GRAMD2A: variants seen among roughly 807,000 people sequenced by gnomAD.
The protein encoded by GRAMD2A is GRAM domain containing 2A.
In GRAMD2A, 37 loss-of-function variants were observed where a neutral mutation model predicts 51.1. The ratio of observed to expected loss-of-function variants is 0.72; its 90% confidence interval spans 0.56 to 0.95. The LOEUF (loss-of-function observed/expected upper bound fraction) is 0.95, where lower values mean the gene tolerates loss of function less well. GRAMD2A is among the 40% of genes least tolerant of loss of function. The pLI is 0.00. For missense variants in GRAMD2A, 414 were observed against 426.9 expected (o/e 0.97, Z 0.27); for synonymous variants, 136 against 157.1 (o/e 0.87, Z 1.01).
At chr15:72,164,006 C>T in intron 8 of GRAMD2A, 2 of 435,570 alleles carry the variant, frequency 4.6e-6, no homozygotes, top group Non-Finnish European at 8.2e-6. Context: ...AGTGTAGAAC[C>T]ACAGTGGGAT....
At chr15:72,172,024 C>T (rs2140549881) in intron 1 of GRAMD2A, among the ~76,000 whole-genome samples, 1 of 151,780 alleles carries the variant, frequency 6.6e-6, no homozygotes, top group African/African-American at 2.4e-5. Context: ...ACGGGGGTTT[C>T]ACCATATTGG....
intron 9 of GRAMD2A, 43 bp downstream of exon 9, chr15:72,163,570 G>A: frequency 6.3e-7 from 1 of 1,589,498 alleles, no homozygotes; most frequent in Non-Finnish European, 8.6e-7. Flanking sequence ...AGAAAGTCTG[G>A]CCTTTGCAAG....
In GRAMD2A at chr15:72,170,448, T is replaced by G; in HGVS notation, c.42-509A>C. On this transcript the variant is annotated intron_variant, in intron 1 of 11. Coordinates refer to ENST00000309731, the MANE Select transcript of GRAMD2A (RefSeq NM_001012642.3). The surrounding 1 kb of genome is among the most constrained non-coding windows in gnomAD (Gnocchi z 4.5). ...TGAAGGTGTGGGAGGTGGACGCCCA[T>G]CAGCCTACAGGTGAGTGTGGCCAGG... 2.2e-6 allele frequency: 1 copy of G among 455,638 alleles called. No individual in the cohort carries two copies. Among genetic ancestry groups the G allele is most frequent in the Non-Finnish European group, 4.4e-6 (1 of 226,758 alleles). 28.2% of individuals were successfully genotyped at this position (455,638 alleles called of 1,614,324 possible).
intron 8 of GRAMD2A, among the ~76,000 whole-genome samples, chr15:72,164,315 G>C (rs2140543717): frequency 6.6e-6 from 1 of 152,214 alleles, no homozygotes; most frequent in Non-Finnish European, 1.5e-5. Context: ...GGCCCCAGCT[G>C]CCAAAGGAAA....
At chr15:72,164,213 C>T (rs2081515008) in intron 8 of GRAMD2A, among the ~76,000 whole-genome samples, 1 of 152,138 alleles carries the variant, frequency 6.6e-6, no homozygotes, top group South Asian at 2.1e-4. Context: ...ACATGCTTGG[C>T]TAAACACTAA....
At chr15:72,178,314 A>C (rs1005679345) in intron 1 of GRAMD2A, among the ~76,000 whole-genome samples, 14 of 152,096 alleles carry the variant, frequency 9.2e-5, no homozygotes, top group Admixed American at 8.5e-4. Flanking sequence ...CACAGAAGTC[A>C]CAAGACCAGC....
At chr15:72,191,608 GA>G (rs1216003463) in intron 1 of GRAMD2A, among the ~76,000 whole-genome samples, 1 of 152,176 alleles carries the variant, frequency 6.6e-6, no homozygotes, top group Non-Finnish European at 1.5e-5. Context: ...GGGTCTGCAT[GA>G]AATAATCATC....
rs182740384 is a variant in GRAMD2A, at chr15:72,169,970, G to C, written c.42-31C>G. On this transcript the variant is annotated intron_variant, in intron 1 of 11. Transcript: ENST00000309731. ...GAAAAACAGGCCCATATCAGGAAGG[G>C]GGCTTCATGAGGACACCTTTCCCTA... is the stretch of plus-strand genomic sequence containing the variant. The C allele has an allele frequency of 1.2e-4, 190 of 1,530,672 alleles. No individual in the cohort carries two copies. The South Asian group carries it at 1.8e-3, about 14-fold the overall frequency. The allele number at this position is 1,530,672 out of a possible 1,614,324, so 94.8% of individuals were successfully genotyped here.
chr15:72,193,232 C>A (rs1406791716), intron 1 of GRAMD2A, among the ~76,000 whole-genome samples: 1 of 144,844 alleles, frequency 6.9e-6, no homozygotes, highest in Non-Finnish European at 1.5e-5. Flanking sequence ...CCAATCATTT[C>A]TTTTTTTTTT....
intron 1 of GRAMD2A, among the ~76,000 whole-genome samples, chr15:72,194,505 G>A (rs1162889789): frequency 1.3e-5 from 2 of 152,136 alleles, no homozygotes; most frequent in Admixed American, 1.3e-4. Flanking sequence ...ACAGGGAAAT[G>A]AAGAGAAAAC....
Position 72,166,920 on chromosome 15 carries a change from G to A in GRAMD2A, c.471+74C>T. 8.2e-7 allele frequency: 1 copy of A among 1,216,554 alleles called. No individual in the cohort carries two copies. Among genetic ancestry groups the A allele is most frequent in the Non-Finnish European group, 1.2e-6 (1 of 819,604 alleles). 75.4% of individuals were successfully genotyped at this position (1,216,554 alleles called of 1,614,324 possible). ...GGGTGAAATAAAGACCTGGGAATGTGCCCGAGTCAGACTGTGGGCTGTCAG... is the reference window on the plus strand; with the variant it reads ...GGGTGAAATAAAGACCTGGGAATGTACCCGAGTCAGACTGTGGGCTGTCAG... On this transcript the variant is annotated intron_variant, in intron 6 of 11. Transcript: ENST00000309731. The surrounding 1 kb of genome is among the most constrained non-coding windows in gnomAD (Gnocchi z 4.1).
At chr15:72,169,178 C>T (rs2081581878) in intron 2 of GRAMD2A, 182 bp from the exon 3 acceptor site, 2 of 628,654 alleles carry the variant, frequency 3.2e-6, no homozygotes, top group Admixed American at 4.9e-5. Flanking sequence ...CTATACAGCT[C>T]ATCCCTGGGG....
intron 2 of GRAMD2A, chr15:72,169,499 C>T (rs903824676): frequency 2.0e-5 from 11 of 536,674 alleles, no homozygotes; most frequent in Admixed American, 1.3e-4. Flanking sequence ...AGCTCTGCTG[C>T]GGGGAGCTTG....
intron 1 of GRAMD2A, 25 bp downstream of exon 1, chr15:72,197,706 C>A (rs764622843): frequency 1.3e-5 from 17 of 1,306,794 alleles, no homozygotes; most frequent in Admixed American, 3.4e-5. Context: ...CCCCCGAGAC[C>A]GGCCCCCGGG....
chr15:72,179,962 C>A (rs563812932), intron 1 of GRAMD2A, among the ~76,000 whole-genome samples: 3 of 152,326 alleles, frequency 2.0e-5, no homozygotes, highest in African/African-American at 4.8e-5. Flanking sequence ...ACACCTGGGC[C>A]ACACCCAGTG....
intron 2 of GRAMD2A, chr15:72,169,583 C>T (rs535247317): frequency 1.5e-6 from 1 of 661,292 alleles, no homozygotes; most frequent in Non-Finnish European, 2.8e-6. Flanking sequence ...AAAGGTAAAC[C>T]TTTGCCTTGG....
chr15:72,172,512 G>C lies in GRAMD2A; in HGVS notation c.42-2573C>G, dbSNP rs548023878. Among the ~76,000 whole-genome samples, 19 of 150,344 alleles carry C rather than the reference G, an allele frequency of 1.3e-4. No individual in the cohort carries two copies. In the South Asian group the frequency reaches 3.8e-3, roughly 30 times the overall value. The stretch of plus-strand genomic sequence containing the variant: ...GCTCACTGCAACCTCCGCCTCCCAG[G>C]TTCAAGTGATTCTCATGCCTCAGCC... On this transcript the variant is annotated intron_variant, in intron 1 of 11. Transcript: ENST00000309731.
At chr15:72,171,154 G>A (rs1331829168) in intron 1 of GRAMD2A, among the ~76,000 whole-genome samples, 1 of 152,174 alleles carries the variant, frequency 6.6e-6, no homozygotes, top group African/African-American at 2.4e-5. Flanking sequence ...CTCAACCTTA[G>A]AGAGGATTTT....
At position 72,196,494 on chromosome 15, in the gene GRAMD2A, T is replaced by C. The variant is rs376404618; in HGVS notation, c.41+1237A>G. On this transcript the variant is annotated intron_variant, in intron 1 of 11. Coordinates refer to ENST00000309731, the MANE Select transcript of GRAMD2A (RefSeq NM_001012642.3). ...TCCCACCACGGCACTCCAGCCTGGG[T>C]GACAGAGTGAAACTGTCTCAGAAAA... 1.2e-3 allele frequency among the ~76,000 whole-genome samples: 185 copies of C among 150,174 alleles called. 1 individual carries two copies. The highest frequency in any genetic ancestry group is 4.3e-3 in the African/African-American group (177 of 40,722).
Sources: gnomAD v4.1 joint callset for allele counts (sites outside exome capture counted in the v4.1 genomes callset) on GRCh38, gnomAD v4.1.1 for gene constraint, Gnocchi (gnomAD v3.1) non-coding constraint, MANE v1.5 for transcripts, NCBI Gene and HGNC (gene_info 2026-07-23, HGNC 2026-07-21) for gene names.